MCUR1: variants seen among roughly 807,000 people sequenced by gnomAD.
The protein encoded by MCUR1 is MCU regulator 1.
In MCUR1, 37 loss-of-function variants were observed where a neutral mutation model predicts 42.0. That is an observed-to-expected ratio of 0.88 (90% CI 0.68 to 1.16). The LOEUF (loss-of-function observed/expected upper bound fraction) is 1.16, where lower values mean the gene tolerates loss of function less well. MCUR1 is among the 50% of genes most tolerant of loss of function. The probability of loss-of-function intolerance (pLI) is 0.00; values close to 1 mark genes in which losing one functional copy is unlikely to be tolerated. For missense variants in MCUR1, 469 were observed against 468.4 expected (o/e 1.00, Z -0.01); for synonymous variants, 229 against 196.2 (o/e 1.17, Z -1.40).
intron 6 of MCUR1, among the ~76,000 whole-genome samples, chr6:13,795,574 A>G (rs957287919): frequency 6.6e-6 from 1 of 152,262 alleles, no homozygotes; most frequent in African/African-American, 2.4e-5. Flanking sequence ...CACTCGCTGT[A>G]TAATTTACTA....
rs1463621119 is a variant in MCUR1 at position 13,800,440 on chromosome 6, C to T, written c.742-58G>A. The T allele has an allele frequency of 6.5e-6, 6 of 918,760 alleles. No homozygotes were observed. In the Admixed American group the frequency reaches 1.0e-4, roughly 15 times the overall value. The allele number at this position is 918,760 out of a possible 1,614,324, so 56.9% of individuals were successfully genotyped here. A position where few individuals can be genotyped will look rare whatever the true frequency, so the allele number is the denominator to read the frequency against. ...GAACAACATAAAACGTAGTAACCAACAAATATTACAATACATATTTATGCA... is the reference window on the plus strand; with the variant it reads ...GAACAACATAAAACGTAGTAACCAATAAATATTACAATACATATTTATGCA... On this transcript the variant is annotated intron_variant, in intron 4 of 8. Coordinates refer to ENST00000379170, the MANE Select transcript of MCUR1 (RefSeq NM_001031713.4).
At position 13,798,861 on chromosome 6, in the gene MCUR1, T is replaced by C. The variant is rs2113462791; in HGVS notation, c.827A>G (p.Asn276Ser). ...TTCTTTTACTCTGCTCTTTTCTAGG[T>C]TGAAGTCTAATTTGGTATCTGTTCG... ...KVRTDTKLDF[N>S]LEKSRVKELY... Residue 276 changes from asparagine to serine, a missense_variant, in exon 6 of 9, where the codon AAC (asparagine) becomes AGC (serine). By Grantham distance (46) the Asn-to-Ser change is conservative (BLOSUM62 1). Transcript: ENST00000379170. The C allele has an allele frequency of 6.2e-7, 1 of 1,611,478 alleles. No homozygotes were observed. The highest frequency in any genetic ancestry group is 8.5e-7 in the Non-Finnish European group (1 of 1,177,960).
Position 13,793,927 on chromosome 6 carries a change from C to G in MCUR1, c.876G>C (p.Lys292Asn). The change falls in exon 7 of 9, where the codon AAG (lysine) becomes AAC (asparagine). Residue 292 changes from lysine (K) to asparagine (N), a missense_variant. Physicochemically the swap from Lys to Asn is moderately conservative, Grantham distance 94 (BLOSUM62 0). Coordinates refer to ENST00000379170, the MANE Select transcript of MCUR1 (RefSeq NM_001031713.4). ...CTATTTCTGTTCTCAATTCCAGCAG[C>G]TTCTTTTCGTTCAATGAATACTGAA... is the stretch of plus-strand genomic sequence containing the variant. Reference protein sequence around the residue: ...VKELYSLNEKKLLELRTEIVA... With the variant: ...VKELYSLNEKNLLELRTEIVA... 6.2e-7 allele frequency: 1 copy of G among 1,613,740 alleles called. No individual in the cohort carries two copies. The highest frequency in any genetic ancestry group is 8.5e-7 in the Non-Finnish European group (1 of 1,179,994).
At chr6:13,803,743 T>C (rs1425670622) in intron 2 of MCUR1, 7 of 984,730 alleles carry the variant, frequency 7.1e-6, no homozygotes, top group African/African-American at 1.7e-5. Flanking sequence ...AATGTTAACA[T>C]TGTTTAGCTC....
At chr6:13,800,516 T>G (rs1759968175) in intron 4 of MCUR1, 134 bp from the exon 5 acceptor site, 2 of 575,394 alleles carry the variant, frequency 3.5e-6, no homozygotes, top group Non-Finnish European at 6.2e-6. Flanking sequence ...GATTGCAGAA[T>G]GGCATTACAA....
At chr6:13,792,622 C>A (rs1759756095) in intron 7 of MCUR1, among the ~76,000 whole-genome samples, 2 of 152,102 alleles carry the variant, frequency 1.3e-5, no homozygotes. Flanking sequence ...CATAATCAAC[C>A]CTCAAAAAGG....
chr6:13,791,664 G>A (rs1043556526), intron 8 of MCUR1, among the ~76,000 whole-genome samples: 1 of 151,834 alleles, frequency 6.6e-6, no homozygotes, highest in African/African-American at 2.4e-5. Context: ...CAATTATAAC[G>A]TACACAATTA....
At chr6:13,792,850 T>G (rs1759761754) in intron 7 of MCUR1, among the ~76,000 whole-genome samples, 1 of 152,106 alleles carries the variant, frequency 6.6e-6, no homozygotes, top group African/African-American at 2.4e-5. Flanking sequence ...TCTTGGGGGT[T>G]TCAGAGGTCC....
intron 8 of MCUR1, among the ~76,000 whole-genome samples, chr6:13,791,177 C>CTACA (rs973583595): frequency 3.3e-5 from 5 of 152,182 alleles, no homozygotes; most frequent in African/African-American, 1.2e-4. Context: ...GAAGCTGAAG[C>CTACA]TACAGGCAGA....
chr6:13,802,600 A>T (rs1760015613), intron 2 of MCUR1, among the ~76,000 whole-genome samples: 1 of 152,172 alleles, frequency 6.6e-6, no homozygotes, highest in Non-Finnish European at 1.5e-5. Context: ...ATCAAAAGTC[A>T]TGTTTTCAGA....
At chr6:13,813,917 C>G (rs1760296309) in intron 1 of MCUR1, 98 bp downstream of exon 1, 4 of 1,190,302 alleles carry the variant, frequency 3.4e-6, no homozygotes, top group Non-Finnish European at 4.2e-6. Flanking sequence ...GCCCTCCGGC[C>G]TGCCGGGCCT....
chr6:13,801,347 T>C lies in MCUR1; in HGVS notation c.682A>G (p.Lys228Glu). The C allele has an allele frequency of 1.2e-6, 2 of 1,612,976 alleles. No individual in the cohort carries two copies. Among genetic ancestry groups the C allele is most frequent in the Non-Finnish European group, 1.7e-6 (2 of 1,179,858 alleles). Reference protein sequence around the residue: ...QQVMSQIANVKKDMIILEKSE... With the variant: ...QQVMSQIANVEKDMIILEKSE... ...TTCTCCAAAATAATCATATCCTTTTTCACATTCGCAATCTGAGACATTACT... is the reference window on the plus strand; with the variant it reads ...TTCTCCAAAATAATCATATCCTTTTCCACATTCGCAATCTGAGACATTACT... Residue 228 changes from lysine (K) to glutamate (E), a missense_variant, in exon 4 of 9, where the codon AAA (lysine) becomes GAA (glutamate). By Grantham distance (56) the Lys-to-Glu change is moderately conservative (BLOSUM62 1). Coordinates refer to ENST00000379170, the MANE Select transcript of MCUR1 (RefSeq NM_001031713.4).
At chr6:13,801,200 C>T in intron 4 of MCUR1, 88 bp downstream of exon 4, 2 of 893,438 alleles carry the variant, frequency 2.2e-6, no homozygotes, top group Non-Finnish European at 3.5e-6. Flanking sequence ...CTGAGATGTA[C>T]ACTTAACGTG....
chr6:13,810,607 T>C (rs539947002), intron 1 of MCUR1, among the ~76,000 whole-genome samples: 2 of 152,162 alleles, frequency 1.3e-5, no homozygotes, highest in South Asian at 4.2e-4. Context: ...TACCCTATAA[T>C]GAAATCGAGA....
chr6:13,807,245 T>G (rs1484098103), intron 1 of MCUR1, among the ~76,000 whole-genome samples: 1 of 152,202 alleles, frequency 6.6e-6, no homozygotes, highest in African/African-American at 2.4e-5. Flanking sequence ...CAATCAAATT[T>G]AGAATACTTT....
chr6:13,805,120 T>TA (rs1378427387), intron 2 of MCUR1, among the ~76,000 whole-genome samples: 1 of 151,946 alleles, frequency 6.6e-6, no homozygotes, highest in Non-Finnish European at 1.5e-5. Context: ...GGTTAAGGTT[T>TA]AAAATCAAGA....
chr6:13,808,361 T>G (rs1401015612), intron 1 of MCUR1, among the ~76,000 whole-genome samples: 3 of 152,236 alleles, frequency 2.0e-5, no homozygotes, highest in African/African-American at 7.2e-5. Context: ...TTTCTATTAC[T>G]GAGCTGTAAG....
intron 6 of MCUR1, among the ~76,000 whole-genome samples, chr6:13,796,976 A>C: frequency 6.6e-6 from 1 of 152,286 alleles, no homozygotes; most frequent in East Asian, 1.9e-4. Flanking sequence ...GTCAGTAACT[A>C]TTTAGTAACA....
intron 4 of MCUR1, 88 bp from the exon 5 acceptor site, chr6:13,800,470 T>C: frequency 1.4e-6 from 1 of 719,710 alleles, no homozygotes; most frequent in South Asian, 1.9e-5. Flanking sequence ...TATGCACAAG[T>C]TCCTCAGGTT....
Sources: allele counts gnomAD v4.1 joint callset (sites outside exome capture counted in the v4.1 genomes callset), GRCh38; gene constraint gnomAD v4.1.1; transcripts MANE v1.5; gene names NCBI Gene and HGNC (gene_info 2026-07-23, HGNC 2026-07-21).